The following DPYD variants were observed in gnomAD, a reference collection of about 807,000 sequenced individuals.
The protein encoded by DPYD is dihydropyrimidine dehydrogenase [NADP(+)].
DPYD carries 109 observed loss-of-function variants against 116.2 expected under a neutral mutation model. The ratio of observed to expected loss-of-function variants is 0.94; its 90% CI spans 0.80 to 1.10. The LOEUF (loss-of-function observed/expected upper bound fraction) is 1.10. Ranked by LOEUF, DPYD falls within the 50% of genes least tolerant of loss-of-function variation. The pLI, the probability that DPYD is intolerant of heterozygous loss-of-function variation, is 0.00. For missense variants in DPYD, 1,302 were observed against 1,254.5 expected (o/e 1.04, Z -0.57); for synonymous variants, 440 against 432.0 (o/e 1.02, Z -0.23).
At chr1:97,337,795 G>A (rs79331711) in intron 16 of DPYD, among the ~76,000 whole-genome samples, 9,745 of 152,130 alleles carry the variant, frequency 0.064, 416 homozygotes, top group African/African-American at 0.12. Context: ...TTGCTTAACA[G>A]TTGAGTACCA....
chr1:97,903,343 G>T (rs1673455211), intron 1 of DPYD, among the ~76,000 whole-genome samples: 1 of 151,858 alleles, frequency 6.6e-6, no homozygotes, highest in Non-Finnish European at 1.5e-5. Context: ...CCGAATGAAT[G>T]ATAACCCCCT....
intron 13 of DPYD, among the ~76,000 whole-genome samples, chr1:97,460,195 C>CT (rs1428893930): frequency 6.6e-6 from 1 of 152,170 alleles, no homozygotes; most frequent in African/African-American, 2.4e-5. Flanking sequence ...TTTGATAACT[C>CT]TAAGATTGTA....
chr1:97,705,174 C>A (rs1056682439), intron 5 of DPYD, among the ~76,000 whole-genome samples: 1 of 151,728 alleles, frequency 6.6e-6, no homozygotes, highest in Non-Finnish European at 1.5e-5. Flanking sequence ...GGTACATGTG[C>A]ACAACGTGCA....
chr1:97,616,750 C>T (rs1447342382), intron 8 of DPYD, among the ~76,000 whole-genome samples: 1 of 152,134 alleles, frequency 6.6e-6, no homozygotes, highest in Non-Finnish European at 1.5e-5. Context: ...ATATGAAACA[C>T]AGCAATTATA....
chr1:97,192,280 G>A (rs1418371113), intron 20 of DPYD, among the ~76,000 whole-genome samples: 1 of 152,030 alleles, frequency 6.6e-6, no homozygotes, highest in African/African-American at 2.4e-5. Flanking sequence ...CATGTGACCT[G>A]CTTCAAGTTA....
chr1:97,365,386 C>T (rs917349807), intron 16 of DPYD, among the ~76,000 whole-genome samples: 1 of 152,220 alleles, frequency 6.6e-6, no homozygotes, highest in African/African-American at 2.4e-5. Flanking sequence ...CTGAACTCTT[C>T]ATGAAATCAT....
intron 2 of DPYD, 55 bp downstream of exon 2, chr1:97,883,209 C>G (rs1672314609): frequency 1.7e-6 from 2 of 1,194,698 alleles, no homozygotes. Context: ...TCTTGCCTTA[C>G]AATGTGTGGA....
rs2101976507 is a variant in DPYD at position 97,515,875 on chromosome 1, C to G, written c.1591G>C (p.Val531Leu). 6.2e-7 allele frequency: 1 copy of G among 1,612,834 alleles called. No homozygotes were observed. The highest frequency in any genetic ancestry group is 8.5e-7 in the Non-Finnish European group (1 of 1,179,228). ...CCGGCCATTTCTACACTAATGTCCA[C>G]CAGATCAATAGGAGTGTAAAAGAGG... ...LPLFYTPIDL[V>L]DISVEMAGLK... Residue 531 changes from valine (V) to leucine (L), a missense_variant, in exon 13 of 23, where the codon GTG (valine) becomes CTG (leucine). Physicochemically the swap from Val to Leu is conservative, Grantham distance 32. Coordinates refer to ENST00000370192, the MANE Select transcript of DPYD (RefSeq NM_000110.4).
chr1:97,707,444 T>A (rs1198303450), intron 5 of DPYD, among the ~76,000 whole-genome samples: 1 of 67,086 alleles, frequency 1.5e-5, no homozygotes, highest in Non-Finnish European at 2.7e-5. Context: ...CCCTCCCCCC[T>A]CCCCCCACCC....
At chr1:97,155,845 C>T (rs1655408118) in intron 20 of DPYD, among the ~76,000 whole-genome samples, 1 of 152,152 alleles carries the variant, frequency 6.6e-6, no homozygotes. Flanking sequence ...AGATGAGATG[C>T]TTCTTACATT....
intron 11 of DPYD, among the ~76,000 whole-genome samples, chr1:97,552,358 A>G (rs1038778309): frequency 6.6e-6 from 1 of 152,140 alleles, no homozygotes; most frequent in South Asian, 2.1e-4. Flanking sequence ...AAAAATGTAC[A>G]TAGAACAATT....
chr1:97,731,104 C>T (rs887113758), intron 4 of DPYD, among the ~76,000 whole-genome samples: 4 of 151,876 alleles, frequency 2.6e-5, no homozygotes, highest in Non-Finnish European at 5.9e-5. Context: ...TTATGCCATG[C>T]CAAAAGACAC....
At chr1:97,437,854 T>C (rs1362549261) in intron 14 of DPYD, among the ~76,000 whole-genome samples, 1 of 151,998 alleles carries the variant, frequency 6.6e-6, no homozygotes, top group Non-Finnish European at 1.5e-5. Flanking sequence ...TTTTATAGTT[T>C]TAGGTTTCTC....
At chr1:97,207,652 A>G (rs1280064779) in intron 19 of DPYD, among the ~76,000 whole-genome samples, 3 of 152,202 alleles carry the variant, frequency 2.0e-5, no homozygotes, top group Non-Finnish European at 2.9e-5. Context: ...TCCAATATAT[A>G]CAATGTTCTA....
In DPYD at chr1:97,370,753, C is replaced by T. The variant is rs146061554; in HGVS notation, c.2058+2808G>A. Among the ~76,000 whole-genome samples the T allele has an allele frequency of 4.3e-3, 660 of 152,130 alleles. 5 individuals carry two copies. Among genetic ancestry groups the T allele is most frequent in the Non-Finnish European group, 7.9e-3 (534 of 67,996 alleles). The stretch of plus-strand genomic sequence containing the variant: ...TTTAAAGATCATTTAGTTCAAATCC[C>T]ATATTTTAGAGATGGACACTTATCC... On this transcript the variant is annotated intron_variant, in intron 16 of 22. Transcript: ENST00000370192.
intron 2 of DPYD, among the ~76,000 whole-genome samples, chr1:97,869,445 A>G (rs1671552687): frequency 6.6e-6 from 1 of 151,780 alleles, no homozygotes; most frequent in Non-Finnish European, 1.5e-5. Context: ...TCAGAATGTC[A>G]CCGCAAAATA....
chr1:97,891,435 G>T (rs907490042), intron 1 of DPYD, among the ~76,000 whole-genome samples: 7 of 151,454 alleles, frequency 4.6e-5, no homozygotes, highest in Non-Finnish European at 1.0e-4. Flanking sequence ...AAAAAAATTA[G>T]AAAAAATTTA....
At chr1:97,335,304 A>G (rs1669229143) in intron 16 of DPYD, among the ~76,000 whole-genome samples, 1 of 57,238 alleles carries the variant, frequency 1.7e-5, no homozygotes, top group African/African-American at 7.7e-5. Flanking sequence ...TTAAGTACAC[A>G]CACACACACA....
intron 13 of DPYD, among the ~76,000 whole-genome samples, chr1:97,484,932 T>A (rs1359055564): frequency 6.6e-6 from 1 of 152,228 alleles, no homozygotes; most frequent in East Asian, 1.9e-4. Context: ...TAGACTATTG[T>A]GGTCTCTGTC....
Sources: allele counts gnomAD v4.1 joint callset (sites outside exome capture counted in the v4.1 genomes callset), GRCh38; gene constraint gnomAD v4.1.1; transcripts MANE v1.5; gene names NCBI Gene and HGNC (gene_info 2026-07-23, HGNC 2026-07-21).